The following C3orf18 variants were observed in gnomAD, a reference collection of about 807,000 sequenced individuals.
C3orf18 encodes uncharacterized protein C3orf18.
Under a neutral mutation model 14.1 loss-of-function variants are expected in C3orf18, and 12 were observed. That is an observed-to-expected ratio of 0.85 (90% CI 0.55 to 1.38). The LOEUF (loss-of-function observed/expected upper bound fraction) is 1.38. Among genes scored for constraint, C3orf18 ranks in the 40% most tolerant of loss-of-function variants. The probability of loss-of-function intolerance (pLI) is 0.00; values close to 1 mark genes in which losing one functional copy is unlikely to be tolerated. For missense variants in C3orf18, 196 were observed against 213.9 expected, an observed-to-expected ratio of 0.92 and a Z score of 0.52; for synonymous variants, 82 against 87.9, an observed-to-expected ratio of 0.93 and a Z score of 0.38.
chr3:50,571,191 G>A, upstream of C3orf18: 1 of 1,613,862 alleles, frequency 6.2e-7, no homozygotes, highest in Admixed American at 1.7e-5. Context: ...TCAGCTCATG[G>A]CAACCCCAAC....
upstream of C3orf18, chr3:50,572,195 G>A (rs1406201658): frequency 1.7e-5 from 28 of 1,611,796 alleles, no homozygotes; most frequent in East Asian, 6.7e-5. Context: ...TTTATTCCTC[G>A]GCCAGAAACA....
chr3:50,565,644 G>T lies in C3orf18; in HGVS notation c.56C>A (p.Ser19Tyr). The T allele has an allele frequency of 6.2e-7, 1 of 1,613,410 alleles. No homozygotes were observed. Residue 19 changes from serine to tyrosine, a missense_variant, in exon 3 of 6, where the codon TCT becomes TAT. Physicochemically the swap from Ser to Tyr is moderately radical, Grantham distance 144 (BLOSUM62 -2). Transcript: ENST00000357203. The surrounding 1 kb of genome is among the most constrained non-coding windows in gnomAD (Gnocchi z 4.4). ...RGWFSSRPPT[S>Y]ESDLEPATDG... ...TGTGGCAGGTTCCAGGTCAGACTCA[G>T]AGGTGGGTGGGCGGCTGCTGAACCA...
upstream of C3orf18, among the ~76,000 whole-genome samples, chr3:50,568,533 C>A (rs1308047660): frequency 6.6e-6 from 1 of 151,916 alleles, no homozygotes. Flanking sequence ...TCGAGACCAG[C>A]CTGACCAACA....
chr3:50,559,418 C>A lies in C3orf18; in HGVS notation c.*239G>T. ...TTGACCTTCTCAGCATGAGGGATGC[C>A]CTCTGTGCCAGGGCCCTCAGGTCAG... On this transcript the variant is annotated 3_prime_UTR_variant, in exon 6 of 6. Coordinates refer to ENST00000357203, the MANE Select transcript of C3orf18 (RefSeq NM_016210.5). The A allele has an allele frequency of 7.2e-7, 1 of 1,388,464 alleles. No homozygotes were observed. The highest frequency in any genetic ancestry group is 2.8e-5 in the East Asian group (1 of 36,172). 86.0% of individuals were successfully genotyped at this position (1,388,464 alleles called of 1,614,324 possible). A position where few individuals can be genotyped will look rare whatever the true frequency, so the allele number is the denominator to read the frequency against.
At chr3:50,574,219 C>G (rs994560681), upstream of C3orf18, among the ~76,000 whole-genome samples, 1 of 152,206 alleles carries the variant, frequency 6.6e-6, no homozygotes, top group Admixed American at 6.5e-5. Flanking sequence ...AGGGGGTGCC[C>G]TGAGCCTGTG....
At chr3:50,562,382 C>T (rs1700036561) in intron 3 of C3orf18, 1 of 434,632 alleles carries the variant, frequency 2.3e-6, no homozygotes, top group Non-Finnish European at 4.6e-6. Context: ...CCTGTGGCTC[C>T]CCAGGGCTGA....
At chr3:50,572,104 C>T, upstream of C3orf18, 2 of 1,613,820 alleles carry the variant, frequency 1.2e-6, no homozygotes, top group South Asian at 1.1e-5. Flanking sequence ...ACCCAGCTGC[C>T]CCCTCTGCAG....
At position 50,558,820 on chromosome 3, in the gene C3orf18, C is replaced by T. The variant is rs190105437; in HGVS notation, c.*837G>A. The T allele has an allele frequency of 1.8e-4, 230 of 1,289,874 alleles. No individual in the cohort carries two copies. In the African/African-American group the frequency reaches 3.2e-3, roughly 18 times the overall value. 79.9% of individuals were successfully genotyped at this position (1,289,874 alleles called of 1,614,324 possible). ...GCCTACCCTGATGCTCCACTACATA[C>T]CATGGGGTAGAGGTCGACTTGGAGG... is the stretch of plus-strand genomic sequence containing the variant. On this transcript the variant is annotated 3_prime_UTR_variant, in exon 6 of 6. Transcript: ENST00000357203.
At chr3:50,560,065 A>G (rs115529753) in intron 5 of C3orf18, among the ~76,000 whole-genome samples, 170 of 152,348 alleles carry the variant, frequency 1.1e-3, no homozygotes, top group African/African-American at 3.9e-3. Context: ...ATGGGAAACA[A>G]GTATCAAGTG....
At chr3:50,569,852 T>C (rs1406774044), upstream of C3orf18, 1 of 152,128 alleles carries the variant, frequency 6.6e-6, no homozygotes, top group Non-Finnish European at 1.5e-5. Context: ...TTCTTTTTTT[T>C]GAGACGGAGT....
At chr3:50,571,075 G>C (rs764833597), upstream of C3orf18, 2 of 1,524,022 alleles carry the variant, frequency 1.3e-6, no homozygotes, top group Non-Finnish European at 1.8e-6. Flanking sequence ...TGGGAACCTG[G>C]AAGCACTCTG....
At chr3:50,567,864 G>T (rs760615869), upstream of C3orf18, 3 of 152,328 alleles carry the variant, frequency 2.0e-5, no homozygotes, top group African/African-American at 7.2e-5. Context: ...CCCAGAGGGA[G>T]CCTAGAACCT....
intron 4 of C3orf18, 136 bp from the exon 5 acceptor site, chr3:50,561,200 G>T: frequency 1.0e-6 from 1 of 985,252 alleles, no homozygotes; most frequent in Non-Finnish European, 1.5e-6. Flanking sequence ...CTTGAAATGG[G>T]AAAAAATGAC....
chr3:50,572,421 A>G (rs1575900021), upstream of C3orf18, among the ~76,000 whole-genome samples: 1 of 152,162 alleles, frequency 6.6e-6, no homozygotes, highest in African/African-American at 2.4e-5. Flanking sequence ...CAAGCTATCA[A>G]CCCAGCCTCT....
chr3:50,565,730 CT>C lies in C3orf18; in HGVS notation c.-32del. On this transcript the variant is annotated 5_prime_UTR_variant, in exon 3 of 6. Coordinates refer to ENST00000357203, the MANE Select transcript of C3orf18 (RefSeq NM_016210.5). This position sits in a 1 kb window ranked among gnomAD's most constrained non-coding sequence, Gnocchi z 4.4. ...TGCGGAGAGGGCCCTGGCTGAGAGG[CT>C]GCCTGATGCCAGTCAACCTGCCCAC... 1.3e-6 allele frequency: 2 copies of C among 1,536,372 alleles called. No homozygotes were observed. The highest frequency in any genetic ancestry group is 1.8e-6 in the Non-Finnish European group (2 of 1,125,694).
chr3:50,558,667 G>A lies in C3orf18; in HGVS notation c.*990C>T. On this transcript the variant is annotated 3_prime_UTR_variant, in exon 6 of 6. Transcript: ENST00000357203. ...CTCTCCCAACCCCAGATCCTCATTA[G>A]AGCCCAAGACAGGGAGCCGTTTTCA... is the stretch of plus-strand genomic sequence containing the variant. 7.8e-7 allele frequency: 1 copy of A among 1,276,576 alleles called. No individual in the cohort carries two copies. The highest frequency in any genetic ancestry group is 1.0e-6 in the Non-Finnish European group (1 of 981,006). The allele number at this position is 1,276,576 out of a possible 1,614,324, so 79.1% of individuals were successfully genotyped here.
At chr3:50,563,216 G>T (rs1700095170) in intron 3 of C3orf18, among the ~76,000 whole-genome samples, 1 of 152,070 alleles carries the variant, frequency 6.6e-6, no homozygotes, top group African/African-American at 2.4e-5. Context: ...GTCCAGGGTT[G>T]CATGTAGGGG....
At chr3:50,564,796 T>A (rs953529610) in intron 3 of C3orf18, among the ~76,000 whole-genome samples, 1 of 152,136 alleles carries the variant, frequency 6.6e-6, no homozygotes, top group South Asian at 2.1e-4. Flanking sequence ...ACGGTCCACA[T>A]CAACCACCTT....
In C3orf18 at chr3:50,559,140, G is replaced by A. The variant is rs1322077721; in HGVS notation, c.*517C>T. ...CATCCTTGCATACTGGACAGTTTCAGCTCCATCTCTGGGCTTCTCAGGGCC... is the reference window on the plus strand; with the variant it reads ...CATCCTTGCATACTGGACAGTTTCAACTCCATCTCTGGGCTTCTCAGGGCC... On this transcript the variant is annotated 3_prime_UTR_variant, in exon 6 of 6. Coordinates refer to ENST00000357203, the MANE Select transcript of C3orf18 (RefSeq NM_016210.5). 24 of 1,289,718 alleles carry A rather than the reference G, an allele frequency of 1.9e-5. No individual in the cohort carries two copies. Among genetic ancestry groups the A allele is most frequent in the East Asian group, 5.5e-5 (1 of 18,034 alleles). The allele number at this position is 1,289,718 out of a possible 1,614,324, so 79.9% of individuals were successfully genotyped here.
Sources: allele counts gnomAD v4.1 joint callset (sites outside exome capture counted in the v4.1 genomes callset), GRCh38; gene constraint gnomAD v4.1.1; non-coding constraint Gnocchi (gnomAD v3.1); transcripts MANE v1.5; gene names NCBI Gene and HGNC (gene_info 2026-07-23, HGNC 2026-07-21).